The following FLNB variants were observed in gnomAD, a reference collection of about 807,000 sequenced individuals.
The protein encoded by FLNB is filamin B.
Under a neutral mutation model 250.6 loss-of-function variants are expected in FLNB, and 111 were observed. That is an observed-to-expected ratio of 0.44 (90% CI 0.38 to 0.52). The LOEUF is 0.52. Ranked by LOEUF, FLNB falls within the 20% of genes least tolerant of loss-of-function variation. The pLI, the probability that FLNB is intolerant of heterozygous loss-of-function variation, is 0.00. For missense variants in FLNB, 2,869 were observed against 3,447.8 expected (o/e 0.83, Z 4.20); for synonymous variants, 1,302 against 1,372.1 (o/e 0.95, Z 1.13).
At chr3:58,056,972 C>T (rs953864324) in intron 1 of FLNB, among the ~76,000 whole-genome samples, 1 of 151,486 alleles carries the variant, frequency 6.6e-6, no homozygotes, top group Non-Finnish European at 1.5e-5. Flanking sequence ...AGAAAACTAA[C>T]CTATAACTCA....
intron 1 of FLNB, among the ~76,000 whole-genome samples, chr3:58,060,769 C>CAAAAAAAAAAAAAAA (rs71091334): frequency 1.2e-4 from 8 of 64,210 alleles, no homozygotes; most frequent in East Asian, 4.8e-4. Flanking sequence ...GACCTTGTCT[C>CAAAAAAAAAAAAAAA]AAAAAAAAAA....
At chr3:58,109,433 G>C (rs970218694) in intron 14 of FLNB, 111 bp downstream of exon 14, 2 of 1,586,582 alleles carry the variant, frequency 1.3e-6, no homozygotes, top group South Asian at 2.3e-5. Context: ...ACCCATCCCT[G>C]GTGGGCCTTG....
chr3:58,158,377 G>A (rs933930908), intron 41 of FLNB, among the ~76,000 whole-genome samples: 24 of 152,296 alleles, frequency 1.6e-4, no homozygotes, highest in East Asian at 7.7e-4. Flanking sequence ...ATATGGCCTC[G>A]TGGCTGGTGA....
At chr3:58,043,101 C>T (rs564328766) in intron 1 of FLNB, among the ~76,000 whole-genome samples, 1 of 148,880 alleles carries the variant, frequency 6.7e-6, no homozygotes, top group Admixed American at 6.7e-5. Flanking sequence ...TAAACTCTAG[C>T]TATGTAAACT....
At chr3:58,167,736 G>A (rs992840627) in intron 43 of FLNB, among the ~76,000 whole-genome samples, 4 of 152,242 alleles carry the variant, frequency 2.6e-5, no homozygotes, top group African/African-American at 7.2e-5. Context: ...GTTGTGTAGC[G>A]TGACTGGCCC....
intron 25 of FLNB, chr3:58,132,307 T>C: frequency 2.2e-6 from 1 of 455,948 alleles, no homozygotes; most frequent in Non-Finnish European, 4.0e-6. Context: ...TCACCTGCCC[T>C]GCACCTATGC....
At position 58,169,449 on chromosome 3, in the gene FLNB, G is replaced by T; in HGVS notation, c.7418-141G>T. On this transcript the variant is annotated intron_variant, in intron 44 of 45. Coordinates refer to ENST00000295956, the MANE Select transcript of FLNB (RefSeq NM_001457.4). The surrounding 1 kb of genome is among the most constrained non-coding windows in gnomAD (Gnocchi z 4.8). ...GGGGTTTAGAAGACATTATGGGTGT[G>T]AGATACAGGTGTGGTGGCTTTTGTG... 1.4e-6 allele frequency: 1 copy of T among 726,388 alleles called. No homozygotes were observed. The highest frequency in any genetic ancestry group is 2.5e-5 in the East Asian group (1 of 39,350). 45.0% of individuals were successfully genotyped at this position (726,388 alleles called of 1,614,324 possible).
chr3:58,130,806 G>A lies in FLNB; in HGVS notation c.4288G>A (p.Gly1430Arg), dbSNP rs779999799. 1.9e-5 allele frequency: 31 copies of A among 1,613,832 alleles called. No homozygotes were observed. The highest frequency in any genetic ancestry group is 5.3e-5 in the African/African-American group (4 of 74,916). ...DPSKVKIAGP[G>R]LGSGVRARVL... ...CAGCAAGGTCAAGATTGCCGGCCCC[G>A]GGCTGGGCTCAGGCGTCCGAGCCCG... Residue 1430 changes from glycine to arginine, a missense_variant, in exon 25 of 46, where the codon GGG becomes AGG. By Grantham distance (125) the Gly-to-Arg change is moderately radical. Transcript: ENST00000295956.
chr3:58,112,064 G>A, intron 17 of FLNB, 85 bp from the exon 18 acceptor site: 1 of 1,349,674 alleles, frequency 7.4e-7, no homozygotes, highest in Non-Finnish European at 1.1e-6. Context: ...TAATAGACCT[G>A]GTGCTGTTGA....
intron 1 of FLNB, among the ~76,000 whole-genome samples, chr3:58,056,108 T>TATTTA (rs200149385): frequency 3.2e-5 from 4 of 126,814 alleles, no homozygotes; most frequent in Non-Finnish European, 3.1e-5. Context: ...TTTATTTATT[T>TATTTA]TTTTTTTTTT....
chr3:58,120,729 T>A (rs2097287369), intron 19 of FLNB, among the ~76,000 whole-genome samples: 1 of 152,190 alleles, frequency 6.6e-6, no homozygotes, highest in Non-Finnish European at 1.5e-5. Context: ...GGTGTTTGGA[T>A]ATCAAGTTAA....
chr3:58,137,776 T>C (rs975841865), intron 28 of FLNB, among the ~76,000 whole-genome samples: 1 of 152,198 alleles, frequency 6.6e-6, no homozygotes, highest in African/African-American at 2.4e-5. Flanking sequence ...GCGGCAACCC[T>C]GGGATATAAA....
At chr3:58,043,117 A>G (rs1029533662) in intron 1 of FLNB, among the ~76,000 whole-genome samples, 1 of 150,130 alleles carries the variant, frequency 6.7e-6, no homozygotes, top group Admixed American at 6.6e-5. Context: ...AAACTGGATA[A>G]GTCATTTTGG....
At chr3:58,082,411 A>T (rs2097210473) in intron 4 of FLNB, among the ~76,000 whole-genome samples, 1 of 152,182 alleles carries the variant, frequency 6.6e-6, no homozygotes, top group African/African-American at 2.4e-5. Context: ...ACATGGCCAG[A>T]TACAACTTAA....
intron 6 of FLNB, 143 bp downstream of exon 6, chr3:58,096,361 T>C (rs1051678068): frequency 8.4e-6 from 6 of 714,890 alleles, no homozygotes; most frequent in Middle Eastern, 2.4e-4. Context: ...TGATAGAAAA[T>C]TGGAATCACT....
Position 58,121,320 on chromosome 3 carries a change from C to T in FLNB, c.2943C>T (p.Ile981=). 6.2e-7 allele frequency: 1 copy of T among 1,614,176 alleles called. No individual in the cohort carries two copies. The highest frequency in any genetic ancestry group is 8.5e-7 in the Non-Finnish European group (1 of 1,180,032). The change falls in exon 20 of 46, where the codon ATC becomes ATT. Residue 981 remains isoleucine (I), a synonymous_variant. Transcript: ENST00000295956. ...GCCAGGGGAAGCTGGACGTGACAATCCTCAGCCCCTCTCGGAAGGTCGTGC... is the reference window on the plus strand; with the variant it reads ...GCCAGGGGAAGCTGGACGTGACAATTCTCAGCCCCTCTCGGAAGGTCGTGC... ...AGGQGKLDVT[I]LSPSRKVVPC... is the part of the protein sequence containing the mutation.
intron 18 of FLNB, among the ~76,000 whole-genome samples, chr3:58,114,511 CTCTT>C (rs1388700878): frequency 6.6e-6 from 1 of 151,918 alleles, no homozygotes; most frequent in African/African-American, 2.4e-5. Flanking sequence ...GTACAAATAT[CTCTT>C]TGAGTCTCTG....
chr3:58,051,564 A>G (rs1029267721), intron 1 of FLNB, among the ~76,000 whole-genome samples: 1 of 152,248 alleles, frequency 6.6e-6, no homozygotes, highest in South Asian at 2.1e-4. Context: ...TGTGAGGTCT[A>G]GTTGCACACA....
rs750755443 is a variant in FLNB, at chr3:58,130,836, C to G, written c.4318C>G (p.Leu1440Val). 1 of 1,613,626 alleles carries G rather than the reference C, an allele frequency of 6.2e-7. No homozygotes were observed. The highest frequency in any genetic ancestry group is 8.5e-7 in the Non-Finnish European group (1 of 1,179,898). Residue 1440 changes from leucine to valine, a missense_variant, in exon 25 of 46, where the codon CTG becomes GTG. Physicochemically the swap from Leu to Val is conservative, Grantham distance 32. This residue lies in a region of FLNB where 1,348 missense variants were observed against 1,466.7 expected (regional missense o/e 0.92). Coordinates refer to ENST00000295956, the MANE Select transcript of FLNB (RefSeq NM_001457.4). ...GLGSGVRARV[L>V]QSFTVDSSKA... ...GGGCTCAGGCGTCCGAGCCCGTGTCCTGCAGTCCTTCACGGTGGACAGCAG... is the reference window on the plus strand; with the variant it reads ...GGGCTCAGGCGTCCGAGCCCGTGTCGTGCAGTCCTTCACGGTGGACAGCAG...
Sources: allele counts gnomAD v4.1 joint callset (sites outside exome capture counted in the v4.1 genomes callset), GRCh38; gene constraint gnomAD v4.1.1; regional missense constraint gnomAD v4.1.1; non-coding constraint Gnocchi (gnomAD v3.1); transcripts MANE v1.5; gene names NCBI Gene and HGNC (gene_info 2026-07-23, HGNC 2026-07-21).